The following PRKG2 variants were observed in gnomAD, a reference collection of about 807,000 sequenced individuals.
PRKG2 encodes protein kinase cGMP-dependent 2, also known as cGMP-dependent protein kinase 2.
In PRKG2, 33 loss-of-function variants were observed where a neutral mutation model predicts 97.2. That is an observed-to-expected ratio of 0.34 (90% confidence interval 0.26 to 0.45). The LOEUF is 0.45. Ranked by LOEUF, PRKG2 falls within the 20% of genes least tolerant of loss-of-function variation. The probability of loss-of-function intolerance (pLI) is 1.00; values close to 1 mark genes in which losing one functional copy is unlikely to be tolerated. For synonymous variants in PRKG2, 330 were observed against 321.8 expected, an observed-to-expected ratio of 1.03 and a Z score of -0.27; for missense variants, 638 against 900.0, an observed-to-expected ratio of 0.71 and a Z score of 3.73.
intron 2 of PRKG2, chr4:81,192,126 T>G (rs914809227): frequency 6.6e-6 from 1 of 152,154 alleles, no homozygotes; most frequent in African/African-American, 2.4e-5. Context: ...TATATAGCAA[T>G]GACAATTAGT....
At chr4:81,148,311 C>T (rs1322507495) in intron 9 of PRKG2, among the ~76,000 whole-genome samples, 1 of 152,028 alleles carries the variant, frequency 6.6e-6, no homozygotes, top group Non-Finnish European at 1.5e-5. Context: ...TAATGAGAAA[C>T]CCAGGGGGGC....
intron 12 of PRKG2, 66 bp downstream of exon 12, chr4:81,140,467 T>C: frequency 7.5e-7 from 1 of 1,338,282 alleles, no homozygotes. Flanking sequence ...ATAAAAATAA[T>C]TTAAGTAAAT....
At chr4:81,122,311 G>A (rs1035225654) in intron 14 of PRKG2, among the ~76,000 whole-genome samples, 3 of 152,126 alleles carry the variant, frequency 2.0e-5, no homozygotes, top group African/African-American at 7.2e-5. Flanking sequence ...GAAAAGTGCA[G>A]TAAGATATAG....
intron 15 of PRKG2, among the ~76,000 whole-genome samples, chr4:81,106,557 T>C (rs144977587): frequency 6.6e-6 from 1 of 152,270 alleles, no homozygotes; most frequent in East Asian, 1.9e-4. Flanking sequence ...GTGTAGAGGA[T>C]AAACTATGAT....
Position 81,088,919 on chromosome 4 carries a change from T to C in PRKG2, c.*789A>G, listed in dbSNP as rs1267642006. The C allele has an allele frequency of 2.0e-5, 3 of 152,208 alleles. No individual in the cohort carries two copies. The highest frequency in any genetic ancestry group is 6.5e-5 in the Admixed American group (1 of 15,290). 9.4% of individuals were successfully genotyped at this position (152,208 alleles called of 1,614,324 possible). On this transcript the variant is annotated 3_prime_UTR_variant, in exon 19 of 19. Transcript: ENST00000264399. The stretch of plus-strand genomic sequence containing the variant: ...TGTTCCAGCACGTTTTCTACTCTGG[T>C]TGTGAAAATATTTTAGCATCATTTA...
At chr4:81,149,957 CT>C (rs1748220051) in intron 8 of PRKG2, among the ~76,000 whole-genome samples, 1 of 152,170 alleles carries the variant, frequency 6.6e-6, no homozygotes. Flanking sequence ...CTGAGACCTT[CT>C]GACATAACTC....
intron 14 of PRKG2, among the ~76,000 whole-genome samples, chr4:81,113,094 T>A (rs945795232): frequency 3.9e-5 from 6 of 152,064 alleles, no homozygotes; most frequent in Admixed American, 3.3e-4. Context: ...GAATTATGCA[T>A]GGCAGGATCA....
chr4:81,103,500 G>T lies in PRKG2; in HGVS notation c.2126+870C>A, dbSNP rs576625083. 5.9e-5 allele frequency among the ~76,000 whole-genome samples: 9 copies of T among 151,936 alleles called. No individual in the cohort carries two copies. In the East Asian group the frequency reaches 9.6e-4, roughly 16 times the overall value. On this transcript the variant is annotated intron_variant, in intron 17 of 18. Transcript: ENST00000264399. ...AAGTAAAATATAATATGAGGGTTAA[G>T]AATTTGAGGATATTCAAAGGAAAAT...
At chr4:81,155,032 G>A (rs1295647581) in intron 6 of PRKG2, among the ~76,000 whole-genome samples, 1 of 151,594 alleles carries the variant, frequency 6.6e-6, no homozygotes, top group South Asian at 2.1e-4. Flanking sequence ...AAAAAAATTA[G>A]CCGGGCGTAG....
chr4:81,134,198 T>A (rs551724727), intron 14 of PRKG2, among the ~76,000 whole-genome samples: 1 of 152,316 alleles, frequency 6.6e-6, no homozygotes, highest in East Asian at 1.9e-4. Context: ...TAAATTTAAT[T>A]CATGTGGCTG....
chr4:81,122,879 A>AGGCCACCCTT (rs1184147788), intron 14 of PRKG2, among the ~76,000 whole-genome samples: 1 of 152,206 alleles, frequency 6.6e-6, no homozygotes, highest in Non-Finnish European at 1.5e-5. Context: ...ACCCCACCCT[A>AGGCCACCCTT]GGCCACCCTT....
At chr4:81,192,801 C>G (rs968955706) in intron 2 of PRKG2, among the ~76,000 whole-genome samples, 3 of 152,146 alleles carry the variant, frequency 2.0e-5, no homozygotes, top group African/African-American at 7.2e-5. Flanking sequence ...AAAGTTCCTC[C>G]AATGGGGCTG....
chr4:81,115,578 C>A (rs998698816), intron 14 of PRKG2, among the ~76,000 whole-genome samples: 1 of 152,132 alleles, frequency 6.6e-6, no homozygotes, highest in African/African-American at 2.4e-5. Context: ...TTTCTTCCAT[C>A]TTAGGGCTGT....
intron 2 of PRKG2, among the ~76,000 whole-genome samples, chr4:81,198,021 G>T (rs1364911735): frequency 6.6e-6 from 1 of 152,216 alleles, no homozygotes; most frequent in Non-Finnish European, 1.5e-5. Context: ...CATCCCCTTA[G>T]GAATGTAGCC....
At chr4:81,190,247 A>G (rs558188821) in intron 2 of PRKG2, among the ~76,000 whole-genome samples, 10 of 152,232 alleles carry the variant, frequency 6.6e-5, no homozygotes, top group Non-Finnish European at 1.3e-4. Context: ...CCAATGGAAC[A>G]GAACAGAGGC....
chr4:81,164,756 C>T (rs1235262864), intron 6 of PRKG2, among the ~76,000 whole-genome samples: 1 of 152,156 alleles, frequency 6.6e-6, no homozygotes, highest in African/African-American at 2.4e-5. Flanking sequence ...GTGCTCCACA[C>T]TACACCCTCA....
At chr4:81,092,354 A>C in intron 18 of PRKG2, 32 bp downstream of exon 18, 1 of 1,432,176 alleles carries the variant, frequency 7.0e-7, no homozygotes, top group Admixed American at 2.2e-5. Context: ...CCCTGGGAAA[A>C]AAATAAAAAA....
intron 10 of PRKG2, 86 bp downstream of exon 10, chr4:81,144,146 C>A (rs1333585546): frequency 1.8e-5 from 23 of 1,254,944 alleles, no homozygotes; most frequent in Non-Finnish European, 2.5e-5. Context: ...AAAGTTACCA[C>A]ACAGCAAGTC....
At chr4:81,193,186 C>T (rs1752693902) in intron 2 of PRKG2, 1 of 152,284 alleles carries the variant, frequency 6.6e-6, no homozygotes, top group East Asian at 1.9e-4. Context: ...AGCAACTTTA[C>T]TTGTATTTCA....
Sources: allele counts gnomAD v4.1 joint callset (sites outside exome capture counted in the v4.1 genomes callset), GRCh38; gene constraint gnomAD v4.1.1; transcripts MANE v1.5; gene names NCBI Gene and HGNC (gene_info 2026-07-23, HGNC 2026-07-21).